The following HSPA12A variants were observed in gnomAD, a reference collection of about 807,000 sequenced individuals.
HSPA12A encodes the protein heat shock 70 kDa protein 12A.
HSPA12A carries 28 observed loss-of-function variants against 69.2 expected under a neutral mutation model. That is an observed-to-expected ratio of 0.40 (90% confidence interval 0.30 to 0.55). The LOEUF (loss-of-function observed/expected upper bound fraction) is 0.55, where lower values mean the gene tolerates loss of function less well. HSPA12A is among the 20% of genes least tolerant of loss of function. The pLI, the probability that HSPA12A is intolerant of heterozygous loss-of-function variation, is 0.38. For synonymous variants in HSPA12A, 345 were observed against 370.5 expected (o/e 0.93, Z 0.79); for missense variants, 686 against 900.7 (o/e 0.76, Z 3.05).
At chr10:116,727,752 G>GT (rs71859215) in intron 1 of HSPA12A, among the ~76,000 whole-genome samples, 3,274 of 131,320 alleles carry the variant, frequency 0.025, 67 homozygotes, top group East Asian at 0.071. Flanking sequence ...ATGTAAGTGG[G>GT]TTTTTTTTTT....
At chr10:116,845,754 G>A (rs1845870356) in intron 1 of HSPA12A, among the ~76,000 whole-genome samples, 1 of 151,960 alleles carries the variant, frequency 6.6e-6, no homozygotes, top group Non-Finnish European at 1.5e-5. Context: ...CAATCACCGA[G>A]GTACTAAAAC....
intron 1 of HSPA12A, among the ~76,000 whole-genome samples, chr10:116,739,814 C>A (rs1271615877): frequency 1.3e-5 from 2 of 152,058 alleles, no homozygotes; most frequent in Non-Finnish European, 2.9e-5. Flanking sequence ...AATGAACCGC[C>A]GCTCCCCATC....
At chr10:116,846,363 T>G (rs550146821) in intron 1 of HSPA12A, among the ~76,000 whole-genome samples, 33 of 151,648 alleles carry the variant, frequency 2.2e-4, no homozygotes, top group Admixed American at 1.5e-3. Flanking sequence ...TTTTTTTGTT[T>G]TTTTGATGCA....
chr10:116,691,832 AC>A (rs1328795388), intron 6 of HSPA12A, among the ~76,000 whole-genome samples: 1 of 150,526 alleles, frequency 6.6e-6, no homozygotes, highest in East Asian at 2.0e-4. Flanking sequence ...CACCTCCAAC[AC>A]CCCCCCGCTG....
At chr10:116,774,507 C>T (rs1445986782) in intron 2 of HSPA12A, among the ~76,000 whole-genome samples, 1 of 152,118 alleles carries the variant, frequency 6.6e-6, no homozygotes, top group African/African-American at 2.4e-5. Context: ...TAGGGCCCAG[C>T]AACTGCACAT....
chr10:116,698,914 G>A (rs1849998325), intron 4 of HSPA12A, among the ~76,000 whole-genome samples, 175 bp from the exon 5 acceptor site: 1 of 152,120 alleles, frequency 6.6e-6, no homozygotes, highest in South Asian at 2.1e-4. Flanking sequence ...GCTGGCAGCA[G>A]TGTCCCCTTA....
intron 5 of HSPA12A, among the ~76,000 whole-genome samples, chr10:116,694,015 TA>T (rs1849810117): frequency 6.6e-6 from 1 of 152,238 alleles, no homozygotes; most frequent in Non-Finnish European, 1.5e-5. Flanking sequence ...GGGAAGATTC[TA>T]AGCATGGCAC....
intron 2 of HSPA12A, among the ~76,000 whole-genome samples, chr10:116,801,591 A>G (rs1228803380): frequency 2.0e-5 from 3 of 152,172 alleles, no homozygotes; most frequent in African/African-American, 2.4e-5. Context: ...CACGAGCGCA[A>G]TAGCTCAGAA....
At chr10:116,845,560 T>C (rs1187706215) in intron 1 of HSPA12A, among the ~76,000 whole-genome samples, 1 of 152,138 alleles carries the variant, frequency 6.6e-6, no homozygotes, top group African/African-American at 2.4e-5. Flanking sequence ...TCCTACCCTC[T>C]CTCCGTGGAT....
chr10:116,694,813 C>T (rs1042468977), intron 5 of HSPA12A, among the ~76,000 whole-genome samples: 21 of 152,188 alleles, frequency 1.4e-4, no homozygotes, highest in African/African-American at 3.6e-4. Flanking sequence ...GGGTCCACCT[C>T]GTTGTGCCCC....
intron 2 of HSPA12A, among the ~76,000 whole-genome samples, chr10:116,749,501 C>T (rs781888126): frequency 8.5e-5 from 13 of 152,228 alleles, no homozygotes; most frequent in African/African-American, 2.7e-4. Context: ...ATTTGCCCCA[C>T]GGCATTCTGA....
chr10:116,803,356 C>G (rs562645012), intron 2 of HSPA12A, among the ~76,000 whole-genome samples: 78 of 152,330 alleles, frequency 5.1e-4, no homozygotes, highest in Admixed American at 3.1e-3. Flanking sequence ...TGAGAAAAGC[C>G]AGACAGTGGG....
At chr10:116,681,115 G>C (rs113747528) in intron 9 of HSPA12A, 37 bp downstream of exon 9, 1 of 1,404,068 alleles carries the variant, frequency 7.1e-7, no homozygotes, top group African/African-American at 1.4e-5. Context: ...CCTGGAATTG[G>C]CTCAGGAATA....
intron 1 of HSPA12A, among the ~76,000 whole-genome samples, chr10:116,735,278 G>C (rs1050346005): frequency 5.3e-5 from 8 of 152,222 alleles, no homozygotes; most frequent in Admixed American, 5.2e-4. Context: ...AGCCAACTCT[G>C]TTAGATTAAA....
chr10:116,675,316 A>G lies in HSPA12A; in HGVS notation c.1493T>C (p.Phe498Ser). The change falls in exon 12 of 12, where the codon TTT (phenylalanine) becomes TCT (serine). Residue 498 changes from phenylalanine (F) to serine (S), a missense_variant. By Grantham distance (155) the Phe-to-Ser change is radical. Coordinates refer to ENST00000369209, the MANE Select transcript of HSPA12A (RefSeq NM_025015.3). The surrounding 1 kb of genome is among the most constrained non-coding windows in gnomAD (Gnocchi z 5.2). ...GATGATGATCCGGCACTGGTCCCCA[A>G]AAGCAGCCTGCACCGCCTGCTGCAG... is the stretch of plus-strand genomic sequence containing the variant. ...PLLQQAVQAA[F>S]GDQCRIIIPQ... 6.2e-7 allele frequency: 1 copy of G among 1,613,252 alleles called. No individual in the cohort carries two copies. The highest frequency in any genetic ancestry group is 8.5e-7 in the Non-Finnish European group (1 of 1,180,014).
At chr10:116,830,017 C>T (rs1845583828) in intron 2 of HSPA12A, 1 of 152,210 alleles carries the variant, frequency 6.6e-6, no homozygotes, top group Admixed American at 6.5e-5. Context: ...CTCGTGTTCA[C>T]CACCATTAAC....
intron 1 of HSPA12A, among the ~76,000 whole-genome samples, chr10:116,738,899 G>A (rs1554886682): frequency 6.6e-6 from 1 of 152,156 alleles, no homozygotes; most frequent in Non-Finnish European, 1.5e-5. Flanking sequence ...GGCATGGGAG[G>A]ACCACCAAGG....
At chr10:116,767,504 C>A (rs1554889902) in intron 2 of HSPA12A, among the ~76,000 whole-genome samples, 3 of 152,236 alleles carry the variant, frequency 2.0e-5, no homozygotes. Context: ...CTCCCGGCCC[C>A]TCCCTTCTCT....
At chr10:116,698,554 G>A in intron 5 of HSPA12A, 81 bp downstream of exon 5, 1 of 1,093,860 alleles carries the variant, frequency 9.1e-7, no homozygotes, top group Non-Finnish European at 1.4e-6. Flanking sequence ...CTGGCCAGCA[G>A]GTGCAGCAGC....
Sources: gnomAD v4.1 joint callset for allele counts (sites outside exome capture counted in the v4.1 genomes callset) on GRCh38, gnomAD v4.1.1 for gene constraint, Gnocchi (gnomAD v3.1) non-coding constraint, MANE v1.5 for transcripts, NCBI Gene and HGNC (gene_info 2026-07-23, HGNC 2026-07-21) for gene names.